The following PAQR5 variants were observed in gnomAD, a reference collection of about 807,000 sequenced individuals.
PAQR5 encodes the protein membrane progestin receptor gamma.
PAQR5 carries 20 observed loss-of-function variants against 34.5 expected under a neutral mutation model. That is an observed-to-expected ratio of 0.58 (90% CI 0.41 to 0.84). The LOEUF is 0.84. Among genes scored for constraint, PAQR5 ranks in the 40% least tolerant of loss-of-function variants. The pLI is 0.00. For missense variants in PAQR5, 378 were observed against 412.7 expected (o/e 0.92, Z 0.73); for synonymous variants, 131 against 155.6 (o/e 0.84, Z 1.18).
At chr15:69,352,886 CTGAT>C (rs1188860421) in intron 2 of PAQR5, among the ~76,000 whole-genome samples, 1 of 152,210 alleles carries the variant, frequency 6.6e-6, no homozygotes, top group African/African-American at 2.4e-5. Context: ...ATGGACCTCT[CTGAT>C]TGGGCAAAAG....
chr15:69,301,070 C>G (rs1309794742), intron 1 of PAQR5, among the ~76,000 whole-genome samples: 1 of 149,220 alleles, frequency 6.7e-6, no homozygotes, highest in Non-Finnish European at 1.5e-5. Flanking sequence ...AGGGCGAGAT[C>G]TCAGCTAACT....
intron 2 of PAQR5, among the ~76,000 whole-genome samples, chr15:69,348,861 T>A (rs2054840098): frequency 6.6e-6 from 1 of 152,340 alleles, no homozygotes; most frequent in Non-Finnish European, 1.5e-5. Flanking sequence ...CCAGGCCCGA[T>A]GGAGTGGGAT....
chr15:69,308,008 G>A (rs1363824958), intron 1 of PAQR5, among the ~76,000 whole-genome samples: 1 of 152,176 alleles, frequency 6.6e-6, no homozygotes, highest in East Asian at 1.9e-4. Flanking sequence ...ACTTAGAGAC[G>A]AGGCATTGAC....
At chr15:69,340,019 A>G (rs2140724924) in intron 2 of PAQR5, among the ~76,000 whole-genome samples, 1 of 152,290 alleles carries the variant, frequency 6.6e-6, no homozygotes, top group Non-Finnish European at 1.5e-5. Context: ...GGCATGTGCC[A>G]CCACGCCCGG....
At chr15:69,384,941 C>T in intron 5 of PAQR5, 59 bp downstream of exon 5, 1 of 1,308,528 alleles carries the variant, frequency 7.6e-7, no homozygotes, top group Non-Finnish European at 1.1e-6. Flanking sequence ...TGCCCCTTCT[C>T]CTGTGAGCTA....
At chr15:69,305,554 C>T (rs868776901) in intron 1 of PAQR5, among the ~76,000 whole-genome samples, 1 of 151,958 alleles carries the variant, frequency 6.6e-6, no homozygotes, top group Admixed American at 6.6e-5. Flanking sequence ...GCCTGTGGTT[C>T]GGGCCCGCAC....
intron 2 of PAQR5, among the ~76,000 whole-genome samples, chr15:69,358,111 T>C (rs1349860688): frequency 3.3e-5 from 5 of 152,070 alleles, no homozygotes; most frequent in Admixed American, 1.3e-4. Flanking sequence ...CCAGTGATGA[T>C]AGGGGTAAAG....
intron 1 of PAQR5, among the ~76,000 whole-genome samples, chr15:69,329,451 T>A (rs1267162498): frequency 2.7e-5 from 4 of 150,810 alleles, no homozygotes; most frequent in Non-Finnish European, 5.9e-5. Flanking sequence ...TACCTAAATT[T>A]ATTTTTTCTT....
chr15:69,359,569 C>T (rs1180131098), intron 2 of PAQR5, among the ~76,000 whole-genome samples: 3 of 152,056 alleles, frequency 2.0e-5, no homozygotes, highest in East Asian at 1.9e-4. Context: ...TATGGATTTT[C>T]GCAGTGCTTT....
intron 7 of PAQR5, 24 bp downstream of exon 7, chr15:69,397,588 T>G: frequency 6.9e-7 from 1 of 1,455,636 alleles, no homozygotes; most frequent in Non-Finnish European, 9.7e-7. Context: ...GCATCTCCTC[T>G]CTGCCTGTTG....
intron 1 of PAQR5, among the ~76,000 whole-genome samples, chr15:69,307,433 C>T (rs1035854078): frequency 2.6e-5 from 4 of 151,864 alleles, no homozygotes; most frequent in Admixed American, 2.0e-4. Flanking sequence ...TAAGGATGAG[C>T]GTGGAATCTC....
rs190145166 is a variant in PAQR5 at position 69,366,641 on chromosome 15, A to G, written c.51+6510A>G. Among the ~76,000 whole-genome samples, 597 of 152,328 alleles carry G rather than the reference A, an allele frequency of 3.9e-3. 8 individuals are homozygous for G. The highest frequency in any genetic ancestry group is 8.0e-3 in the Admixed American group (123 of 15,290). ...CCTAGCACATGAATAATTTTCATACATCTTCTAAGTGTGCCGATAAATAAT... is the reference window on the plus strand; with the variant it reads ...CCTAGCACATGAATAATTTTCATACGTCTTCTAAGTGTGCCGATAAATAAT... On this transcript the variant is annotated intron_variant, in intron 3 of 8. Coordinates refer to ENST00000395407, the MANE Select transcript of PAQR5 (RefSeq NM_017705.4).
At chr15:69,403,509 G>C in intron 8 of PAQR5, 72 bp from the exon 9 acceptor site, 1 of 1,432,218 alleles carries the variant, frequency 7.0e-7, no homozygotes, top group Non-Finnish European at 9.6e-7. Context: ...TTTTTAGCAT[G>C]AATGCCATAG....
chr15:69,312,839 G>A (rs997848745), intron 1 of PAQR5, among the ~76,000 whole-genome samples: 2 of 152,144 alleles, frequency 1.3e-5, no homozygotes, highest in African/African-American at 2.4e-5. Flanking sequence ...TCAAATCACA[G>A]AGACTCTTTT....
chr15:69,323,306 G>C (rs894070562), intron 1 of PAQR5, among the ~76,000 whole-genome samples: 2 of 152,242 alleles, frequency 1.3e-5, no homozygotes, highest in African/African-American at 4.8e-5. Context: ...CTCCCAGTGA[G>C]AGTGCTCCCA....
chr15:69,397,663 G>T (rs769719021), intron 7 of PAQR5, 99 bp downstream of exon 7: 3 of 838,034 alleles, frequency 3.6e-6, no homozygotes, highest in South Asian at 1.4e-5. Context: ...AATGGGAACC[G>T]CAGAACAAAA....
chr15:69,325,264 C>T (rs2054222495), intron 1 of PAQR5, among the ~76,000 whole-genome samples: 1 of 152,158 alleles, frequency 6.6e-6, no homozygotes, highest in Non-Finnish European at 1.5e-5. Context: ...CTGTGTTCCC[C>T]TAGAGGCATA....
intron 1 of PAQR5, among the ~76,000 whole-genome samples, chr15:69,303,547 T>G (rs1170400164): frequency 6.7e-6 from 1 of 148,316 alleles, no homozygotes; most frequent in Non-Finnish European, 1.5e-5. Flanking sequence ...CTTTTAAAAT[T>G]CCCCAGTGCA....
At chr15:69,361,286 G>T (rs4777135) in intron 3 of PAQR5, among the ~76,000 whole-genome samples, 122,408 of 152,154 alleles carry the variant, frequency 0.8, 52,290 homozygotes, top group Non-Finnish European at 0.96. Flanking sequence ...CCTACTATGT[G>T]CAAGGGATTC....
Sources: allele counts gnomAD v4.1 joint callset (sites outside exome capture counted in the v4.1 genomes callset), GRCh38; gene constraint gnomAD v4.1.1; transcripts MANE v1.5; gene names NCBI Gene and HGNC (gene_info 2026-07-23, HGNC 2026-07-21).